SLC43A2: variants seen among roughly 807,000 people sequenced by gnomAD.
SLC43A2 encodes solute carrier family 43 member 2, also known as large neutral amino acids transporter small subunit 4.
Under a neutral mutation model 63.2 loss-of-function variants are expected in SLC43A2, and 38 were observed. The ratio of observed to expected loss-of-function variants is 0.60; its 90% CI spans 0.46 to 0.79. The LOEUF (loss-of-function observed/expected upper bound fraction) is 0.79, where lower values mean the gene tolerates loss of function less well. Ranked by LOEUF, SLC43A2 falls within the 30% of genes least tolerant of loss-of-function variation. The pLI is 0.00. For synonymous variants in SLC43A2, 322 were observed against 331.0 expected (o/e 0.97, Z 0.30); for missense variants, 644 against 756.2 (o/e 0.85, Z 1.74).
rs565502436 is a variant in SLC43A2 at position 1,571,551 on chromosome 17, A to G, written c.*4053T>C. 10 of 152,374 alleles carry G rather than the reference A, an allele frequency of 6.6e-5. No homozygotes were observed. The East Asian group carries it at 1.5e-3, about 24-fold the overall frequency. 9.4% of individuals were successfully genotyped at this position (152,374 alleles called of 1,614,324 possible). ...ACGTGATTGTGCTGCTGTCTGGGACAGTCTTATGCACGTGAGCCCAATACT... is the reference window on the plus strand; with the variant it reads ...ACGTGATTGTGCTGCTGTCTGGGACGGTCTTATGCACGTGAGCCCAATACT... On this transcript the variant is annotated 3_prime_UTR_variant, in exon 14 of 14. Coordinates refer to ENST00000301335, the MANE Select transcript of SLC43A2 (RefSeq NM_152346.3). This position sits in a 1 kb window ranked among gnomAD's most constrained non-coding sequence, Gnocchi z 5.2.
intron 2 of SLC43A2, 24 bp from the exon 3 acceptor site, chr17:1,616,793 C>G: frequency 6.2e-7 from 1 of 1,611,826 alleles, no homozygotes; most frequent in Non-Finnish European, 8.5e-7. Flanking sequence ...GAAGGAAACC[C>G]TGACCTCAGG....
At position 1,614,377 on chromosome 17, in the gene SLC43A2, C is replaced by T. The variant is rs1403612328; in HGVS notation, c.424+602G>A. Among the ~76,000 whole-genome samples, 4 of 152,104 alleles carry T rather than the reference C, an allele frequency of 2.6e-5. No individual in the cohort carries two copies. The East Asian group carries it at 7.7e-4, about 29-fold the overall frequency. ...AGTAAGCTGTGACTGCACCACTGCA[C>T]TCCAGCCAGGGTGACAGAGAGAGAC... On this transcript the variant is annotated intron_variant, in intron 4 of 13. Transcript: ENST00000301335.
chr17:1,575,174 C>A lies in SLC43A2; in HGVS notation c.*430G>T. 4.9e-6 allele frequency: 1 copy of A among 205,800 alleles called. No homozygotes were observed. The highest frequency in any genetic ancestry group is 1.0e-5 in the Non-Finnish European group (1 of 99,278). The allele number at this position is 205,800 out of a possible 1,614,324, so 12.7% of individuals were successfully genotyped here. A position where few individuals can be genotyped will look rare whatever the true frequency, so the allele number is the denominator to read the frequency against. ...GGGTGGGGGCCAGGCGCGGGCGAGA[C>A]AGTGCAAGCCTTTGTCCTCAGGCAG... On this transcript the variant is annotated 3_prime_UTR_variant, in exon 14 of 14. Coordinates refer to ENST00000301335, the MANE Select transcript of SLC43A2 (RefSeq NM_152346.3).
chr17:1,585,211 C>T (rs1351811354), intron 10 of SLC43A2: 1 of 994,244 alleles, frequency 1.0e-6, no homozygotes, highest in Non-Finnish European at 1.2e-6. Context: ...ACCTGTGTCT[C>T]TTTTTCTTCC....
At chr17:1,604,775 C>G in intron 5 of SLC43A2, 1 of 1,535,836 alleles carries the variant, frequency 6.5e-7, no homozygotes. Flanking sequence ...TCCCCATGGT[C>G]CAGCGCCACA....
At chr17:1,584,815 G>A (rs987295632) in intron 10 of SLC43A2, among the ~76,000 whole-genome samples, 4 of 102,034 alleles carry the variant, frequency 3.9e-5, no homozygotes, top group African/African-American at 5.5e-5. Context: ...GCGAGACTCC[G>A]TCTCAAAAAA....
rs1371702035 is a variant in SLC43A2, at chr17:1,591,303, G to A, written c.897C>T (p.Val299=). The stretch of plus-strand genomic sequence containing the variant: ...CCGGCTGGCACTTCACCTCCAGGTC[G>A]ACGGTGGACAGGCACAGCTTGTGGC... ...QEGHKLCLST[V]DLEVKCQPDA... Residue 299 remains valine, a synonymous_variant, in exon 8 of 14, where the codon GTC becomes GTT. Transcript: ENST00000301335. 12 of 1,606,932 alleles carry A rather than the reference G, an allele frequency of 7.5e-6. No individual in the cohort carries two copies. In the Middle Eastern group the frequency reaches 5.0e-4, roughly 66 times the overall value.
intron 4 of SLC43A2, among the ~76,000 whole-genome samples, chr17:1,614,504 G>A (rs1429532021): frequency 6.6e-6 from 1 of 152,182 alleles, no homozygotes; most frequent in Middle Eastern, 3.2e-3. Context: ...CTGAAAATCA[G>A]TAGATGAGCC....
intron 6 of SLC43A2, among the ~76,000 whole-genome samples, chr17:1,592,424 TC>T (rs1014395235): frequency 1.3e-5 from 2 of 151,252 alleles, no homozygotes; most frequent in Non-Finnish European, 2.9e-5. Context: ...AAGACCCTGT[TC>T]CCCCCCAAAA....
At chr17:1,594,628 C>G (rs71360492) in intron 5 of SLC43A2, among the ~76,000 whole-genome samples, 126,181 of 133,266 alleles carry the variant, frequency 0.95, 59,887 homozygotes, top group South Asian at 0.99. Flanking sequence ...CGCTCTTTCG[C>G]CCAGGCTGTA....
chr17:1,612,399 ACTGT>A lies in SLC43A2; in HGVS notation c.501+792_501+795del, dbSNP rs1016447243. ...CCCGAGAAAACATCTCCCCCAGGCG[ACTGT>A]CTGTGCCCGGGCACGGAGGAAACAA... On this transcript the variant is annotated intron_variant, in intron 5 of 13. Transcript: ENST00000301335. Among the ~76,000 whole-genome samples the A allele has an allele frequency of 3.1e-4, 47 of 152,242 alleles. 1 individual carries two copies. Among genetic ancestry groups the A allele is most frequent in the Admixed American group, 2.7e-3 (41 of 15,298 alleles).
At chr17:1,576,861 CTGT>C in intron 12 of SLC43A2, 141 bp from the exon 13 acceptor site, 1 of 775,430 alleles carries the variant, frequency 1.3e-6, no homozygotes. Context: ...CTGGGCAGTT[CTGT>C]TTTTTTTTTT....
intron 3 of SLC43A2, among the ~76,000 whole-genome samples, 187 bp from the exon 4 acceptor site, chr17:1,615,221 C>T (rs1907484840): frequency 6.6e-6 from 1 of 151,938 alleles, no homozygotes; most frequent in African/African-American, 2.4e-5. Context: ...ATTTCTCCTG[C>T]CTCAGCCTCC....
intron 11 of SLC43A2, among the ~76,000 whole-genome samples, chr17:1,580,997 G>A (rs1406304422): frequency 6.6e-6 from 1 of 152,112 alleles, no homozygotes; most frequent in Non-Finnish European, 1.5e-5. Context: ...CCCTGCCCAG[G>A]AAGGCTGCTG....
At position 1,593,982 on chromosome 17, in the gene SLC43A2, A is replaced by G. The variant is rs1330013622; in HGVS notation, c.502-703T>C. Among the ~76,000 whole-genome samples, 1 of 151,956 alleles carries G rather than the reference A, an allele frequency of 6.6e-6. No individual in the cohort carries two copies. The highest frequency in any genetic ancestry group is 2.4e-5 in the African/African-American group (1 of 41,352). ...AGCCTCCCAAGTCGCGAGATTAGAG[A>G]TGCCCGCCACCATGCCTGGCTAATT... On this transcript the variant is annotated intron_variant, in intron 5 of 13. Transcript: ENST00000301335. The surrounding 1 kb of genome is among the most constrained non-coding windows in gnomAD (Gnocchi z 5.3).
At position 1,585,992 on chromosome 17, in the gene SLC43A2, C is replaced by T. The variant is rs779040706; in HGVS notation, c.1138G>A (p.Val380Ile). The T allele has an allele frequency of 2.4e-5, 38 of 1,612,798 alleles. No homozygotes were observed. In the South Asian group the frequency reaches 3.1e-4, roughly 13 times the overall value. The change falls in exon 10 of 14, where the codon GTC becomes ATC. Residue 380 changes from valine to isoleucine, a missense_variant. Physicochemically the swap from Val to Ile is conservative, Grantham distance 29 (BLOSUM62 3). Coordinates refer to ENST00000301335, the MANE Select transcript of SLC43A2 (RefSeq NM_152346.3). ...LQLLCLLTAP[V>I]IGYIMDWRLK... ...CTCCAGTCCATGATGTAGCCAATGACGGGGGCCGTCAGCAGGCACAGCAGC... is the reference window on the plus strand; with the variant it reads ...CTCCAGTCCATGATGTAGCCAATGATGGGGGCCGTCAGCAGGCACAGCAGC...
At chr17:1,615,181 C>T in intron 3 of SLC43A2, 147 bp from the exon 4 acceptor site, 1 of 866,122 alleles carries the variant, frequency 1.2e-6, no homozygotes, top group Non-Finnish European at 1.8e-6. Flanking sequence ...GATCTCGGCT[C>T]ACTGCAACCT....
At position 1,614,871 on chromosome 17, in the gene SLC43A2, C is replaced by A. The variant is rs575167617; in HGVS notation, c.424+108G>T. The A allele has an allele frequency of 4.2e-5, 46 of 1,106,078 alleles. No individual in the cohort carries two copies. The African/African-American group carries it at 4.5e-4, about 11-fold the overall frequency. The allele number at this position is 1,106,078 out of a possible 1,614,324, so 68.5% of individuals were successfully genotyped here. A position where few individuals can be genotyped will look rare whatever the true frequency, so the allele number is the denominator to read the frequency against. ...TAACAGGTGTCCCCTCTAACTTGAG[C>A]AGGGAGCAGCAGGCCCAGGACAGTG... On this transcript the variant is annotated intron_variant, in intron 4 of 13. Coordinates refer to ENST00000301335, the MANE Select transcript of SLC43A2 (RefSeq NM_152346.3).
At chr17:1,612,855 C>G (rs755331177) in intron 5 of SLC43A2, among the ~76,000 whole-genome samples, 1 of 152,192 alleles carries the variant, frequency 6.6e-6, no homozygotes, top group Non-Finnish European at 1.5e-5. Context: ...GCCCATAGTC[C>G]CAGCTACTCG....
Sources: gnomAD v4.1 joint callset for allele counts (sites outside exome capture counted in the v4.1 genomes callset) on GRCh38, gnomAD v4.1.1 for gene constraint, Gnocchi (gnomAD v3.1) non-coding constraint, MANE v1.5 for transcripts, NCBI Gene and HGNC (gene_info 2026-07-23, HGNC 2026-07-21) for gene names.